The following SOS1 variants were observed in gnomAD, a reference collection of about 807,000 sequenced individuals.
The protein encoded by SOS1 is son of sevenless homolog 1.
SOS1 carries 25 observed loss-of-function variants against 157.6 expected under a neutral mutation model. That is an observed-to-expected ratio of 0.16 (90% CI 0.12 to 0.22). The LOEUF (loss-of-function observed/expected upper bound fraction) is 0.22. Among genes scored for constraint, SOS1 ranks in the 10% least tolerant of loss-of-function variants. The pLI, the probability that SOS1 is intolerant of heterozygous loss-of-function variation, is 1.00. For synonymous variants in SOS1, 528 were observed against 534.0 expected (o/e 0.99, Z 0.16); for missense variants, 1,237 against 1,599.1 (o/e 0.77, Z 3.86).
At position 39,013,936 on chromosome 2, in the gene SOS1, T is replaced by C; in HGVS notation, c.1994A>G (p.Asn665Ser). Reference sequence around the variant, plus strand: ...TTCTGCACTCAAGGGTTGATCTCCATTCTCTATAGCTATGCGATCAGCTTC... The same window carrying C: ...TTCTGCACTCAAGGGTTGATCTCCACTCTCTATAGCTATGCGATCAGCTTC... ...PTEADRIAIE[N>S]GDQPLSAELK... The change falls in exon 12 of 23, where the codon AAT becomes AGT. Residue 665 changes from asparagine to serine, a missense_variant. Around this residue, in one of 15 missense-constraint regions of SOS1, gnomAD observed 55 missense variants for 43.1 expected, o/e 1.27. Transcript: ENST00000402219. 1 of 1,605,144 alleles carries C rather than the reference T, an allele frequency of 6.2e-7. No individual in the cohort carries two copies. The highest frequency in any genetic ancestry group is 8.5e-7 in the Non-Finnish European group (1 of 1,172,348).
At chr2:39,072,057 T>C (rs930260033) in intron 1 of SOS1, among the ~76,000 whole-genome samples, 1 of 152,206 alleles carries the variant, frequency 6.6e-6, no homozygotes, top group Admixed American at 6.5e-5. Flanking sequence ...ACTGATTTGT[T>C]GAATCTATTA....
chr2:39,105,906 A>G (rs1673158650), intron 1 of SOS1, among the ~76,000 whole-genome samples: 1 of 151,976 alleles, frequency 6.6e-6, no homozygotes, highest in African/African-American at 2.4e-5. Context: ...TCTCAAAAAG[A>G]AAAAGAAAAA....
At chr2:39,028,828 G>GT (rs1670061485) in intron 8 of SOS1, among the ~76,000 whole-genome samples, 2 of 152,042 alleles carry the variant, frequency 1.3e-5, no homozygotes. Flanking sequence ...TCATCACAAC[G>GT]TAACAGAACA....
intron 1 of SOS1, among the ~76,000 whole-genome samples, chr2:39,103,358 G>GA (rs1384417716): frequency 2.7e-5 from 4 of 147,070 alleles, no homozygotes; most frequent in Admixed American, 6.7e-5. Flanking sequence ...AAACAATCAA[G>GA]AAAAAAAAAA....
At chr2:39,104,115 C>G (rs1673077027) in intron 1 of SOS1, among the ~76,000 whole-genome samples, 1 of 152,026 alleles carries the variant, frequency 6.6e-6, no homozygotes, top group Admixed American at 6.6e-5. Context: ...AACCCCGTCT[C>G]TATTAAAAAC....
intron 6 of SOS1, among the ~76,000 whole-genome samples, chr2:39,036,722 C>G (rs886673336): frequency 6.6e-6 from 1 of 151,936 alleles, no homozygotes; most frequent in Middle Eastern, 3.4e-3. Context: ...TACAGGCATC[C>G]GCCACCACGC....
intron 2 of SOS1, among the ~76,000 whole-genome samples, chr2:39,059,079 G>A (rs1317912013): frequency 6.6e-6 from 1 of 152,052 alleles, no homozygotes; most frequent in African/African-American, 2.4e-5. Flanking sequence ...TTACAAGAAT[G>A]AGTAGAAGCT....
chr2:39,007,962 C>T (rs1050559966), intron 15 of SOS1, among the ~76,000 whole-genome samples: 1 of 152,064 alleles, frequency 6.6e-6, no homozygotes, highest in Admixed American at 6.6e-5. Flanking sequence ...GGTATTTGAA[C>T]CAAGACTGGT....
At chr2:39,059,628 G>A (rs764341357) in intron 2 of SOS1, among the ~76,000 whole-genome samples, 5 of 152,088 alleles carry the variant, frequency 3.3e-5, no homozygotes, top group Non-Finnish European at 7.4e-5. Flanking sequence ...ACTACTAGAT[G>A]AAATTAAACA....
intron 8 of SOS1, among the ~76,000 whole-genome samples, chr2:39,028,764 T>A (rs567107330): frequency 2.0e-5 from 3 of 152,310 alleles, no homozygotes; most frequent in East Asian, 3.9e-4. Flanking sequence ...TGTCTAACAT[T>A]TGGGATATAA....
chr2:39,111,005 G>A (rs981505351), intron 1 of SOS1, among the ~76,000 whole-genome samples: 2 of 152,234 alleles, frequency 1.3e-5, no homozygotes, highest in South Asian at 4.1e-4. Context: ...GGGCGAGGCA[G>A]GTGGATCACC....
intron 8 of SOS1, among the ~76,000 whole-genome samples, chr2:39,025,692 A>G (rs1466641633): frequency 6.6e-6 from 1 of 152,134 alleles, no homozygotes. Context: ...TTAAGTATTC[A>G]TTAGTACATT....
intron 17 of SOS1, among the ~76,000 whole-genome samples, chr2:39,002,051 T>G (rs544882641): frequency 4.5e-4 from 68 of 152,356 alleles, no homozygotes; most frequent in African/African-American, 1.6e-3. Context: ...GCGCAGTGGC[T>G]CACGCCTGTA....
At chr2:38,997,621 T>TTC (rs397691420) in intron 17 of SOS1, among the ~76,000 whole-genome samples, 196 bp from the exon 18 acceptor site, 3 of 151,458 alleles carry the variant, frequency 2.0e-5, no homozygotes, top group South Asian at 2.1e-4. Flanking sequence ...TTTTTTTTTT[T>TTC]CCTCATCAGA....
chr2:39,071,585 A>C (rs1237244306), intron 1 of SOS1, among the ~76,000 whole-genome samples: 1 of 152,222 alleles, frequency 6.6e-6, no homozygotes, highest in African/African-American at 2.4e-5. Context: ...GTTAAAATGA[A>C]AGTATTTCAT....
At chr2:39,049,078 C>T (rs1260637049) in intron 6 of SOS1, among the ~76,000 whole-genome samples, 5 of 151,806 alleles carry the variant, frequency 3.3e-5, no homozygotes, top group African/African-American at 4.8e-5. Flanking sequence ...CCACCACGCC[C>T]GGCTAATTTT....
intron 11 of SOS1, among the ~76,000 whole-genome samples, chr2:39,014,190 T>A (rs1288273926): frequency 6.6e-6 from 1 of 152,094 alleles, no homozygotes; most frequent in Non-Finnish European, 1.5e-5. Flanking sequence ...TAAAAGAAAT[T>A]AGTACTTGCC....
chr2:39,021,017 C>T (rs917914045), intron 10 of SOS1, among the ~76,000 whole-genome samples: 1 of 151,544 alleles, frequency 6.6e-6, no homozygotes, highest in African/African-American at 2.4e-5. Context: ...TTTCAATACA[C>T]TTAACTTTGG....
At chr2:39,093,442 A>C (rs1672661041) in intron 1 of SOS1, among the ~76,000 whole-genome samples, 1 of 152,200 alleles carries the variant, frequency 6.6e-6, no homozygotes, top group Non-Finnish European at 1.5e-5. Context: ...TCCGACATAA[A>C]GGTGTTGAGT....
Sources: gnomAD v4.1 joint callset for allele counts (sites outside exome capture counted in the v4.1 genomes callset) on GRCh38, gnomAD v4.1.1 for gene constraint, gnomAD v4.1.1 regional missense constraint, MANE v1.5 for transcripts, NCBI Gene and HGNC (gene_info 2026-07-23, HGNC 2026-07-21) for gene names.